Variants in CSMD1 observed in about 807,000 individuals in gnomAD.
CSMD1 encodes the protein CUB and Sushi multiple domains 1, also known as CUB and sushi domain-containing protein 1.
A neutral mutation model predicts 417.5 loss-of-function variants in CSMD1; 213 were observed. The ratio of observed to expected loss-of-function variants is 0.51; its 90% CI spans 0.46 to 0.57. The LOEUF is 0.57. Ranked by LOEUF, CSMD1 falls within the 20% of genes least tolerant of loss-of-function variation. The pLI is 0.00. For missense variants in CSMD1, 6,923 were observed against 4,529.7 expected (o/e 1.53, Z -15.17); for synonymous variants, 2,862 against 1,736.8 (o/e 1.65, Z -16.11).
intron 3 of CSMD1, among the ~76,000 whole-genome samples, chr8:4,159,419 A>C (rs919319366): frequency 6.6e-6 from 1 of 152,206 alleles, no homozygotes; most frequent in African/African-American, 2.4e-5. Flanking sequence ...TTATATGAAA[A>C]AGGTATTTGC....
chr8:4,832,588 A>C (rs1010628520), intron 1 of CSMD1, among the ~76,000 whole-genome samples: 1 of 152,204 alleles, frequency 6.6e-6, no homozygotes, highest in Admixed American at 6.5e-5. Context: ...TTGTGGTTAA[A>C]ATTATTACTA....
chr8:4,249,333 G>C (rs893093752), intron 3 of CSMD1, among the ~76,000 whole-genome samples: 1 of 152,172 alleles, frequency 6.6e-6, no homozygotes, highest in Non-Finnish European at 1.5e-5. Flanking sequence ...GTTTCTAAGA[G>C]GATGGAATAA....
At chr8:3,512,740 C>T (rs938835697) in intron 10 of CSMD1, among the ~76,000 whole-genome samples, 3 of 151,704 alleles carry the variant, frequency 2.0e-5, no homozygotes, top group African/African-American at 7.3e-5. Flanking sequence ...TCCCAAGTAG[C>T]TGGGACTATA....
chr8:3,381,630 C>T (rs934119142), intron 18 of CSMD1, among the ~76,000 whole-genome samples: 5 of 152,000 alleles, frequency 3.3e-5, no homozygotes, highest in Non-Finnish European at 7.4e-5. Flanking sequence ...TTATAATTAG[C>T]CAGTAGTTAT....
chr8:3,234,259 C>T (rs1049362919), intron 26 of CSMD1, among the ~76,000 whole-genome samples: 5 of 152,114 alleles, frequency 3.3e-5, no homozygotes, highest in Non-Finnish European at 7.4e-5. Context: ...TTCAATGACA[C>T]AATTTGAAAA....
chr8:4,331,124 C>T (rs910189870), intron 3 of CSMD1, among the ~76,000 whole-genome samples: 8 of 152,196 alleles, frequency 5.3e-5, no homozygotes, highest in Non-Finnish European at 2.9e-5. Flanking sequence ...ATATATTTCC[C>T]GAAACTAAAC....
At chr8:3,283,095 A>G (rs1299142719) in intron 26 of CSMD1, among the ~76,000 whole-genome samples, 1 of 152,182 alleles carries the variant, frequency 6.6e-6, no homozygotes, top group African/African-American at 2.4e-5. Flanking sequence ...TTAGGAGATT[A>G]TAGTTCACGT....
chr8:3,185,846 T>G (rs1010145871), intron 36 of CSMD1, among the ~76,000 whole-genome samples: 4 of 152,168 alleles, frequency 2.6e-5, no homozygotes, highest in Non-Finnish European at 5.9e-5. Context: ...CTCTACAAAC[T>G]AAAAGAACAC....
At chr8:4,621,974 T>C (rs145640564) in intron 2 of CSMD1, among the ~76,000 whole-genome samples, 88 of 152,094 alleles carry the variant, frequency 5.8e-4, no homozygotes, top group African/African-American at 2.0e-3. Context: ...AAAAATTACA[T>C]ACTTATTCAT....
intron 3 of CSMD1, among the ~76,000 whole-genome samples, chr8:4,260,173 T>A (rs534281023): frequency 6.6e-6 from 1 of 152,320 alleles, no homozygotes; most frequent in South Asian, 2.1e-4. Flanking sequence ...GTGGCATCCT[T>A]GCAAGTATTG....
chr8:3,251,339 G>A lies in CSMD1; in HGVS notation c.4154-21108C>T, dbSNP rs568854774. Among the ~76,000 whole-genome samples, 19 of 152,248 alleles carry A rather than the reference G, an allele frequency of 1.2e-4. No homozygotes were observed. In the East Asian group the frequency reaches 3.5e-3, roughly 28 times the overall value. The stretch of plus-strand genomic sequence containing the variant: ...ATAGGGAATCCTTTCCCCATTGCTT[G>A]TTTTTGTCAGGTTTGTCAAAGATCA... On this transcript the variant is annotated intron_variant, in intron 26 of 69. Coordinates refer to ENST00000635120, the MANE Select transcript of CSMD1 (RefSeq NM_033225.6).
chr8:4,161,353 T>A (rs987471602), intron 3 of CSMD1, among the ~76,000 whole-genome samples: 21 of 152,228 alleles, frequency 1.4e-4, no homozygotes, highest in African/African-American at 4.1e-4. Flanking sequence ...TCTCTTTGAC[T>A]GTAAAAATGC....
intron 3 of CSMD1, among the ~76,000 whole-genome samples, chr8:4,374,032 A>T (rs1313897370): frequency 6.6e-6 from 1 of 152,182 alleles, no homozygotes; most frequent in Non-Finnish European, 1.5e-5. Context: ...TTCTCAGTAA[A>T]AATACGTGAT....
At chr8:4,072,043 A>G (rs1440362265) in intron 3 of CSMD1, among the ~76,000 whole-genome samples, 2 of 152,164 alleles carry the variant, frequency 1.3e-5, no homozygotes, top group Non-Finnish European at 2.9e-5. Flanking sequence ...AGTGGATGTT[A>G]GGATAGAGTT....
chr8:3,798,282 T>A lies in CSMD1; in HGVS notation c.819-44240A>T, dbSNP rs114684391. On this transcript the variant is annotated intron_variant, in intron 5 of 69. Transcript: ENST00000635120. ...TTTTTAATAATATCTTATTTATCAA[T>A]GTTATTTCCTCTTAGGATTAGTGCT... is the stretch of plus-strand genomic sequence containing the variant. Among the ~76,000 whole-genome samples, 417 of 152,210 alleles carry A rather than the reference T, an allele frequency of 2.7e-3. 2 individuals carry two copies. Among genetic ancestry groups the A allele is most frequent in the African/African-American group, 9.6e-3 (400 of 41,572 alleles).
intron 23 of CSMD1, among the ~76,000 whole-genome samples, chr8:3,322,892 T>A (rs1421549727): frequency 6.6e-6 from 1 of 152,238 alleles, no homozygotes; most frequent in Non-Finnish European, 1.5e-5. Context: ...ACTTAGGAAG[T>A]GCTGTGATTC....
chr8:4,605,691 T>G (rs549671072), intron 2 of CSMD1, among the ~76,000 whole-genome samples: 1 of 152,322 alleles, frequency 6.6e-6, no homozygotes, highest in Non-Finnish European at 1.5e-5. Context: ...CTTCTGTCCC[T>G]TGTAGAATGC....
chr8:4,327,139 A>G (rs1307516017), intron 3 of CSMD1, among the ~76,000 whole-genome samples: 1 of 152,220 alleles, frequency 6.6e-6, no homozygotes, highest in Non-Finnish European at 1.5e-5. Context: ...ATCATTGACA[A>G]GGTCTACTAG....
chr8:4,149,822 C>T (rs937927696), intron 3 of CSMD1, among the ~76,000 whole-genome samples: 1 of 152,204 alleles, frequency 6.6e-6, no homozygotes, highest in African/African-American at 2.4e-5. Flanking sequence ...TAAAATACCA[C>T]TTTAATTGGT....
Sources: allele counts gnomAD v4.1 joint callset (sites outside exome capture counted in the v4.1 genomes callset), GRCh38; gene constraint gnomAD v4.1.1; transcripts MANE v1.5; gene names NCBI Gene and HGNC (gene_info 2026-07-23, HGNC 2026-07-21).